The following RAF1 variants were observed in gnomAD, a reference collection of about 807,000 sequenced individuals.
RAF1 encodes the protein RAF proto-oncogene serine/threonine-protein kinase.
A neutral mutation model predicts 81.1 loss-of-function variants in RAF1; 27 were observed. The observed-to-expected ratio is 0.33, with a 90% CI of 0.25 to 0.46. RAF1 has a LOEUF of 0.46. Among genes scored for constraint, RAF1 ranks in the 20% least tolerant of loss-of-function variants. The pLI, the probability that RAF1 is intolerant of heterozygous loss-of-function variation, is 1.00. For missense variants in RAF1, 598 were observed against 826.0 expected, an observed-to-expected ratio of 0.72 and a Z score of 3.38; for synonymous variants, 298 against 294.0, an observed-to-expected ratio of 1.01 and a Z score of -0.14.
At chr3:12,592,563 A>C (rs1464059458) in intron 11 of RAF1, among the ~76,000 whole-genome samples, 1 of 152,070 alleles carries the variant, frequency 6.6e-6, no homozygotes, top group Non-Finnish European at 1.5e-5. Flanking sequence ...ACAGCCAAAA[A>C]ACAAAGAACG....
At chr3:12,593,093 T>C (rs1254475800) in intron 11 of RAF1, among the ~76,000 whole-genome samples, 1 of 122,854 alleles carries the variant, frequency 8.1e-6, no homozygotes, top group Admixed American at 7.9e-5. Flanking sequence ...CCTTCCTCCT[T>C]CCTTTTTTTT....
At chr3:12,634,397 C>A (rs890381181) in intron 1 of RAF1, among the ~76,000 whole-genome samples, 4 of 152,028 alleles carry the variant, frequency 2.6e-5, no homozygotes, top group African/African-American at 9.7e-5. Flanking sequence ...GTGATCCACC[C>A]GCCTCGGCCT....
In RAF1 at chr3:12,587,648, A is replaced by C. The variant is rs755003139; in HGVS notation, c.1431-11T>G. The C allele has an allele frequency of 6.4e-5, 103 of 1,601,302 alleles. No homozygotes were observed. The highest frequency in any genetic ancestry group is 8.4e-5 in the Non-Finnish European group (98 of 1,168,406). On this transcript the variant is annotated splice_polypyrimidine_tract_variant and intron_variant, in intron 13 of 17. Coordinates refer to ENST00000442415, the MANE Select transcript of RAF1 (RefSeq NM_001354689.3). ...TTTGCATGCAAATAGCTGTGAAGGG[A>C]AAAGAAATTATTAAAAATAAGTTTG...
intron 1 of RAF1, among the ~76,000 whole-genome samples, chr3:12,645,377 C>CT (rs944747822): frequency 9.2e-5 from 14 of 151,910 alleles, no homozygotes; most frequent in African/African-American, 3.1e-4. Flanking sequence ...CATACTATCC[C>CT]TTTTTTTGAT....
intron 1 of RAF1, among the ~76,000 whole-genome samples, chr3:12,635,292 CTG>C (rs2059983355): frequency 8.3e-6 from 1 of 120,506 alleles, no homozygotes; most frequent in African/African-American, 3.2e-5. Context: ...GTACTCCAGC[CTG>C]GGTGACAGAG....
At chr3:12,609,838 G>A (rs937443391) in intron 3 of RAF1, among the ~76,000 whole-genome samples, 9 of 152,024 alleles carry the variant, frequency 5.9e-5, no homozygotes, top group Non-Finnish European at 8.8e-5. Context: ...GTCAATATAC[G>A]TTAAATTGGA....
At chr3:12,631,491 C>T (rs1358618428) in intron 1 of RAF1, among the ~76,000 whole-genome samples, 2 of 152,042 alleles carry the variant, frequency 1.3e-5, no homozygotes, top group Admixed American at 6.6e-5. Flanking sequence ...CCCAGCTTCT[C>T]GGAAGGCTGA....
At chr3:12,646,061 CAT>C (rs1189342436) in intron 1 of RAF1, among the ~76,000 whole-genome samples, 2 of 152,174 alleles carry the variant, frequency 1.3e-5, no homozygotes, top group Non-Finnish European at 2.9e-5. Context: ...TTAGAGCAGT[CAT>C]ATTCTTAATG....
chr3:12,607,946 C>CT (rs1484238879), intron 5 of RAF1, among the ~76,000 whole-genome samples: 6 of 52,068 alleles, frequency 1.2e-4, no homozygotes, highest in African/African-American at 4.5e-4. Flanking sequence ...AGAGACTTGT[C>CT]TCCAAAAAAA....
At chr3:12,659,766 G>A (rs1214862900) in intron 1 of RAF1, among the ~76,000 whole-genome samples, 1 of 152,084 alleles carries the variant, frequency 6.6e-6, no homozygotes, top group African/African-American at 2.4e-5. Flanking sequence ...ATTATCCACT[G>A]CCTTTCAAAG....
chr3:12,640,478 G>A (rs1458616328), intron 1 of RAF1, among the ~76,000 whole-genome samples: 2 of 152,082 alleles, frequency 1.3e-5, no homozygotes, highest in African/African-American at 4.8e-5. Context: ...ATCTGACAAA[G>A]GGCTAATATC....
intron 1 of RAF1, among the ~76,000 whole-genome samples, chr3:12,625,907 C>A (rs1575613376): frequency 6.6e-6 from 1 of 152,024 alleles, no homozygotes; most frequent in East Asian, 1.9e-4. Flanking sequence ...TTTAATACTT[C>A]CAAGTACTAT....
Position 12,607,949 on chromosome 3 carries a change from CAAAAAAAA to C in RAF1, c.581+809_581+816del, listed in dbSNP as rs58308841. On this transcript the variant is annotated intron_variant, in intron 5 of 17. Transcript: ENST00000442415. ...CTAATGACAGAAAGAGACTTGTCTCCAAAAAAAAAAAAAAAAAAAAAAAAGGGTGGGGG... is the reference window on the plus strand; with the variant it reads ...CTAATGACAGAAAGAGACTTGTCTCCAAAAAAAAAAAAAAAAGGGTGGGGG... Among the ~76,000 whole-genome samples, 27 of 66,846 alleles carry C rather than the reference CAAAAAAAA, an allele frequency of 4.0e-4. No homozygotes were observed. The East Asian group carries it at 0.013, about 32-fold the overall frequency. 43.9% of individuals were successfully genotyped at this position (66,846 alleles called of 152,430 possible). A position where few individuals can be genotyped will look rare whatever the true frequency, so the allele number is the denominator to read the frequency against.
chr3:12,602,700 T>C (rs1388860632), intron 8 of RAF1, among the ~76,000 whole-genome samples: 1 of 152,180 alleles, frequency 6.6e-6, no homozygotes, highest in African/African-American at 2.4e-5. Context: ...TGGTATATTA[T>C]TGTATTATCA....
At position 12,609,798 on chromosome 3, in the gene RAF1, A is replaced by G. The variant is rs5746201; in HGVS notation, c.321-463T>C. Among the ~76,000 whole-genome samples the G allele has an allele frequency of 7.1e-3, 1,086 of 152,300 alleles. 6 individuals are homozygous for G. The highest frequency in any genetic ancestry group is 0.024 in the African/African-American group (1,017 of 41,576). On this transcript the variant is annotated intron_variant, in intron 3 of 17. Coordinates refer to ENST00000442415, the MANE Select transcript of RAF1 (RefSeq NM_001354689.3). ...GTCTGGCCAGAATAAAGTTTTCTTT[A>G]AACAATGATATATAAAATCTCACAA...
At chr3:12,600,687 G>T (rs565177911) in intron 8 of RAF1, among the ~76,000 whole-genome samples, 4 of 152,080 alleles carry the variant, frequency 2.6e-5, no homozygotes, top group African/African-American at 4.8e-5. Flanking sequence ...TCAGTCTCCC[G>T]AGTAGCTGGG....
chr3:12,618,582 T>G lies in RAF1; in HGVS notation c.140A>C (p.Lys47Thr). The G allele has an allele frequency of 6.2e-7, 1 of 1,614,208 alleles. No individual in the cohort carries two copies. Among genetic ancestry groups the G allele is most frequent in the Non-Finnish European group, 8.5e-7 (1 of 1,180,040 alleles). ...GCTTGTCTTAGAAGGATCTGTGAGT[T>G]TGCCATCATCTGATGCCCGGCGCTG... The change falls in exon 2 of 18, where the codon AAA (lysine) becomes ACA (threonine). Residue 47 changes from lysine to threonine, a missense_variant. Transcript: ENST00000442415.
At chr3:12,626,715 T>G (rs116883023) in intron 1 of RAF1, among the ~76,000 whole-genome samples, 2,232 of 152,206 alleles carry the variant, frequency 0.015, 32 homozygotes, top group Admixed American at 0.044. Context: ...TAAAGTTTTT[T>G]TTGTTGTTGT....
At chr3:12,635,296 G>A (rs1455585152) in intron 1 of RAF1, among the ~76,000 whole-genome samples, 2 of 118,422 alleles carry the variant, frequency 1.7e-5, no homozygotes, top group Admixed American at 1.2e-4. Flanking sequence ...TCCAGCCTGG[G>A]TGACAGAGGG....
Sources: gnomAD v4.1 joint callset for allele counts (sites outside exome capture counted in the v4.1 genomes callset) on GRCh38, gnomAD v4.1.1 for gene constraint, MANE v1.5 for transcripts, NCBI Gene and HGNC (gene_info 2026-07-23, HGNC 2026-07-21) for gene names.